Variants in TPM1 observed in about 807,000 individuals in gnomAD.
TPM1 encodes tropomyosin alpha-1 chain.
In TPM1, 24 loss-of-function variants were observed where a neutral mutation model predicts 42.9. The observed-to-expected ratio is 0.56, with a 90% CI of 0.41 to 0.79. The LOEUF is 0.79. TPM1 is among the 30% of genes least tolerant of loss of function. The pLI is 0.00. For synonymous variants in TPM1, 136 were observed against 130.1 expected (o/e 1.05, Z -0.31); for missense variants, 158 against 351.8 (o/e 0.45, Z 4.41).
At chr15:63,069,754 C>T (rs2036500529), downstream of TPM1, 1 of 1,301,820 alleles carries the variant, frequency 7.7e-7, no homozygotes, top group Non-Finnish European at 1.1e-6. Flanking sequence ...AGCAAGTGAC[C>T]AGTTGCTGTC....
chr15:63,048,950 T>G (rs1224783587), intron 2 of TPM1: 1 of 589,572 alleles, frequency 1.7e-6, no homozygotes, highest in South Asian at 1.8e-5. Context: ...ACGGGTGGTG[T>G]TGAGAAGGTT....
At chr15:63,051,955 G>T (rs1754528915) in intron 2 of TPM1, among the ~76,000 whole-genome samples, 1 of 145,906 alleles carries the variant, frequency 6.9e-6, no homozygotes, top group African/African-American at 2.5e-5. Context: ...GGGTGGGCAT[G>T]CCCTTGATTT....
intron 2 of TPM1, among the ~76,000 whole-genome samples, chr15:63,053,948 G>A (rs899471161): frequency 5.3e-5 from 8 of 151,976 alleles, no homozygotes; most frequent in Non-Finnish European, 1.0e-4. Flanking sequence ...CAAAGTGCTG[G>A]GATTACAGGC....
At chr15:63,046,342 G>A (rs1230355887) in intron 2 of TPM1, 5 of 152,186 alleles carry the variant, frequency 3.3e-5, no homozygotes, top group African/African-American at 1.2e-4. Flanking sequence ...AACTTGAGGA[G>A]GAAGAGACAG....
intron 9 of TPM1, chr15:63,065,264 T>C: frequency 1.0e-6 from 1 of 987,382 alleles, no homozygotes; most frequent in Non-Finnish European, 1.2e-6. Flanking sequence ...CTTTTTCTAC[T>C]ACTTTAAATT....
downstream of TPM1, among the ~76,000 whole-genome samples, chr15:63,066,474 G>A (rs1011149574): frequency 2.0e-4 from 31 of 152,158 alleles, no homozygotes; most frequent in African/African-American, 7.0e-4. Flanking sequence ...GGTTTAGCTC[G>A]GGATGTAGTG....
At chr15:63,070,171 A>G (rs573805348), downstream of TPM1, 1 of 1,353,958 alleles carries the variant, frequency 7.4e-7, no homozygotes, top group Non-Finnish European at 9.6e-7. Context: ...GAATACTTAT[A>G]TCAATTCAGC....
chr15:63,048,475 G>A, intron 2 of TPM1: 5 of 1,402,714 alleles, frequency 3.6e-6, no homozygotes, highest in Non-Finnish European at 4.6e-6. Context: ...GGGCGGGGCG[G>A]ACCGGCGCTG....
Position 63,059,488 on chromosome 15 carries a change from A to G in TPM1, c.375-75A>G, listed in dbSNP as rs4775614. 972,610 of 1,199,598 alleles carry G rather than the reference A, an allele frequency of 0.81. 395,949 individuals carry two copies. Among genetic ancestry groups the G allele is most frequent in the East Asian group, 1 (38,727 of 38,856 alleles). 74.3% of individuals were successfully genotyped at this position (1,199,598 alleles called of 1,614,324 possible). ...TCTACCACTTACACTAAGCCTCACA[A>G]GCCACAGCAGTGCAGTGTGCATTTG... is the stretch of plus-strand genomic sequence containing the variant. On this transcript the variant is annotated intron_variant, in intron 3 of 9. Coordinates refer to ENST00000403994, the MANE Select transcript of TPM1 (RefSeq NM_001018005.2).
At chr15:63,048,134 G>C (rs761814730) in intron 2 of TPM1, 33 of 434,516 alleles carry the variant, frequency 7.6e-5, no homozygotes, top group Admixed American at 5.1e-5. Flanking sequence ...CGCTCCCGCG[G>C]CCAGCAGGAG....
Position 63,065,919 on chromosome 15 carries a change from C to T in TPM1, c.*20C>T, listed in dbSNP as rs1259961630. The stretch of plus-strand genomic sequence containing the variant: ...AGATAAGTTTCTTTGCTTCACTTCT[C>T]CCAAGACTCCCTCGTCGAGCTGGAT... On this transcript the variant is annotated 3_prime_UTR_variant, in exon 10 of 10. Transcript: ENST00000403994. The T allele has an allele frequency of 1.9e-5, 31 of 1,610,554 alleles. No homozygotes were observed. Among genetic ancestry groups the T allele is most frequent in the Non-Finnish European group, 2.6e-5 (31 of 1,178,824 alleles).
chr15:63,048,785 C>G, intron 2 of TPM1: 6 of 1,496,840 alleles, frequency 4.0e-6, no homozygotes, highest in Non-Finnish European at 5.4e-6. Context: ...CTCCTGCTTC[C>G]CCCCCCGCAG....
intron 9 of TPM1, chr15:63,065,133 T>C: frequency 2.0e-6 from 2 of 985,264 alleles, no homozygotes; most frequent in African/African-American, 3.5e-5. Context: ...AGCTTGGGAG[T>C]TAATGGCCCA....
intron 2 of TPM1, chr15:63,048,836 C>A: frequency 1.6e-6 from 2 of 1,273,054 alleles, no homozygotes; most frequent in Non-Finnish European, 1.1e-6. Context: ...GCGCACCTGG[C>A]GCACCTGGGC....
At chr15:63,064,555 A>G (rs2036056242) in intron 9 of TPM1, 1 of 1,052,436 alleles carries the variant, frequency 9.5e-7, no homozygotes, top group Admixed American at 4.9e-5. Context: ...CGTTAAATAT[A>G]ATTTGAAGGA....
At chr15:63,065,348 C>G in intron 9 of TPM1, 1 of 989,934 alleles carries the variant, frequency 1.0e-6, no homozygotes, top group African/African-American at 1.7e-5. Flanking sequence ...ATGTCATTTT[C>G]CAAGCCCACC....
Position 63,065,479 on chromosome 15 carries a change from C to T in TPM1, c.852-417C>T, listed in dbSNP as rs576151824. The T allele has an allele frequency of 4.1e-5, 40 of 985,380 alleles. No homozygotes were observed. In the African/African-American group the frequency reaches 6.8e-4, roughly 17 times the overall value. 61.0% of individuals were successfully genotyped at this position (985,380 alleles called of 1,614,324 possible). On this transcript the variant is annotated intron_variant, in intron 9 of 9. Coordinates refer to ENST00000403994, the MANE Select transcript of TPM1 (RefSeq NM_001018005.2). ...AAAGCCTCTAGAGACATGACTGTTG[C>T]CATGGAAACCAGAGAAAATGTGTCT...
chr15:63,067,578 C>T (rs896252811), downstream of TPM1, among the ~76,000 whole-genome samples: 3 of 152,168 alleles, frequency 2.0e-5, no homozygotes, highest in Non-Finnish European at 4.4e-5. Flanking sequence ...CAGAGACTTT[C>T]GCACTTTCTA....
chr15:63,043,624 A>T (rs1026413341), intron 1 of TPM1: 2 of 1,531,884 alleles, frequency 1.3e-6, no homozygotes, highest in Non-Finnish European at 1.7e-6. Context: ...GAGGGGCCCC[A>T]GCCAACCCGA....
Sources: allele counts gnomAD v4.1 joint callset (sites outside exome capture counted in the v4.1 genomes callset), GRCh38; gene constraint gnomAD v4.1.1; transcripts MANE v1.5; gene names NCBI Gene and HGNC (gene_info 2026-07-23, HGNC 2026-07-21).